CDH15: variants seen among roughly 807,000 people sequenced by gnomAD.
The protein encoded by CDH15 is cadherin 15.
Under a neutral mutation model 69.4 loss-of-function variants are expected in CDH15, and 73 were observed. The ratio of observed to expected loss-of-function variants is 1.05; its 90% confidence interval spans 0.87 to 1.28. CDH15 has a LOEUF of 1.28. Among genes scored for constraint, CDH15 ranks in the 50% most tolerant of loss-of-function variants. CDH15 has a pLI of 0.00. For missense variants in CDH15, 1,343 were observed against 1,133.6 expected, an observed-to-expected ratio of 1.18 and a Z score of -2.65; for synonymous variants, 624 against 507.7, an observed-to-expected ratio of 1.23 and a Z score of -3.08.
chr16:89,181,667 C>T lies in CDH15; in HGVS notation c.357+1312C>T, dbSNP rs144035094. 1.6e-4 allele frequency among the ~76,000 whole-genome samples: 24 copies of T among 151,652 alleles called. No individual in the cohort carries two copies. The East Asian group carries it at 4.1e-3, about 26-fold the overall frequency. ...AAAAAGAAGAAAAGAGGACCGGGTG[C>T]GGTGGCTCACGCCTGTAATCCCAGC... On this transcript the variant is annotated intron_variant, in intron 3 of 13. Coordinates refer to ENST00000289746, the MANE Select transcript of CDH15 (RefSeq NM_004933.3).
At position 89,195,277 on chromosome 16, in the gene CDH15, G is replaced by T; in HGVS notation, c.*122G>T. The T allele has an allele frequency of 9.5e-7, 1 of 1,054,430 alleles. No individual in the cohort carries two copies. Among genetic ancestry groups the T allele is most frequent in the Non-Finnish European group, 1.3e-6 (1 of 752,520 alleles). 65.3% of individuals were successfully genotyped at this position (1,054,430 alleles called of 1,614,324 possible). A position where few individuals can be genotyped will look rare whatever the true frequency, so the allele number is the denominator to read the frequency against. On this transcript the variant is annotated 3_prime_UTR_variant, in exon 14 of 14. Coordinates refer to ENST00000289746, the MANE Select transcript of CDH15 (RefSeq NM_004933.3). ...CTGGGGCAGCCTCCTTCCTGTAGGC[G>T]AGGGCCCAAGTCTGGGGGCAGAACC...
In CDH15 at chr16:89,191,810, C is replaced by G. The variant is rs1419856684; in HGVS notation, c.1531C>G (p.Pro511Ala). The G allele has an allele frequency of 6.2e-7, 1 of 1,604,594 alleles. No homozygotes were observed. Among genetic ancestry groups the G allele is most frequent in the Non-Finnish European group, 8.5e-7 (1 of 1,179,036 alleles). The change falls in exon 10 of 14, where the codon CCC becomes GCC. Residue 511 changes from proline (P) to alanine (A), a missense_variant. Coordinates refer to ENST00000289746, the MANE Select transcript of CDH15 (RefSeq NM_004933.3). Reference sequence around the variant, plus strand: ...CCTGGGCGCCACGGATGAGGACCTGCCCCCCCACGGGGCCCCCTTCCACTT... The same window carrying G: ...CCTGGGCGCCACGGATGAGGACCTGGCCCCCCACGGGGCCCCCTTCCACTT... ...LLLGATDEDL[P>A]PHGAPFHFQL...
Position 89,195,338 on chromosome 16 carries a change from C to T in CDH15, c.*183C>T, listed in dbSNP as rs866842818. 6.2e-5 allele frequency: 39 copies of T among 631,608 alleles called. No individual in the cohort carries two copies. In the African/African-American group the frequency reaches 6.8e-4, roughly 11 times the overall value. The allele number at this position is 631,608 out of a possible 1,614,324, so 39.1% of individuals were successfully genotyped here. A position where few individuals can be genotyped will look rare whatever the true frequency, so the allele number is the denominator to read the frequency against. ...TGGGGCGGCCAGGAAGAGGCCCCTT[C>T]CTGCCGGGGTGGGAAGAGTTTCTCT... On this transcript the variant is annotated 3_prime_UTR_variant, in exon 14 of 14. Transcript: ENST00000289746.
rs994511879 is a variant in CDH15 at position 89,192,274 on chromosome 16, G to A, written c.1685G>A (p.Arg562Gln). Residue 562 changes from arginine to glutamine, a missense_variant, in exon 11 of 14, where the codon CGG becomes CAG. Physicochemically the swap from Arg to Gln is conservative, Grantham distance 43. Coordinates refer to ENST00000289746, the MANE Select transcript of CDH15 (RefSeq NM_004933.3). ...EGLHRLSLLLRDSGQPPQQRE... is the reference protein window; with the variant it reads ...EGLHRLSLLLQDSGQPPQQRE... The stretch of plus-strand genomic sequence containing the variant: ...CTGCACCGCCTCAGCCTGCTGCTCC[G>A]GGACTCGGGGCAGCCGCCCCAGCAG... 3.7e-5 allele frequency: 57 copies of A among 1,530,910 alleles called. No individual in the cohort carries two copies. The African/African-American group carries it at 4.8e-4, about 13-fold the overall frequency. 94.8% of individuals were successfully genotyped at this position (1,530,910 alleles called of 1,614,324 possible). A position where few individuals can be genotyped will look rare whatever the true frequency, so the allele number is the denominator to read the frequency against.
chr16:89,193,778 G>T lies in CDH15; in HGVS notation c.2016G>T (p.Leu672=). Residue 672 remains leucine, a synonymous_variant, in exon 13 of 14, where the codon CTG becomes CTT. Coordinates refer to ENST00000289746, the MANE Select transcript of CDH15 (RefSeq NM_004933.3). The part of the protein sequence containing the change: ...EDQDAYDISQ[L]RHPTALSLPL... ...AGGACGCCTACGACATCAGCCAGCT[G>T]CGTCACCCGACAGCGCTGAGCCTGC... 6.2e-7 allele frequency: 1 copy of T among 1,605,180 alleles called. No individual in the cohort carries two copies. The highest frequency in any genetic ancestry group is 8.5e-7 in the Non-Finnish European group (1 of 1,179,138).
intron 4 of CDH15, 116 bp from the exon 5 acceptor site, chr16:89,185,057 T>A: frequency 1.0e-6 from 1 of 993,638 alleles, no homozygotes; most frequent in Non-Finnish European, 1.5e-6. Context: ...CCATCTGGGG[T>A]CAGCCGTGCT....
In CDH15 at chr16:89,192,194, G is replaced by T; in HGVS notation, c.1616-11G>T. On this transcript the variant is annotated splice_polypyrimidine_tract_variant and intron_variant, in intron 10 of 13. Transcript: ENST00000289746. ...CGGGAGGCCCTCGCTCACCACAGGCGCCCTCCGCAGTGAGCCACGCGCGCC... is the reference window on the plus strand; with the variant it reads ...CGGGAGGCCCTCGCTCACCACAGGCTCCCTCCGCAGTGAGCCACGCGCGCC... 6.5e-7 allele frequency: 1 copy of T among 1,528,058 alleles called. No homozygotes were observed. The allele number at this position is 1,528,058 out of a possible 1,614,324, so 94.7% of individuals were successfully genotyped here.
Position 89,194,941 on chromosome 16 carries a change from C to A in CDH15, c.2231C>A (p.Ser744Ter). The change falls in exon 14 of 14, where the codon TCG (serine) becomes TAG (stop). Residue 744 changes from serine to a stop codon, truncating the protein, a stop_gained. Transcript: ENST00000289746. LOFTEE classifies it low-confidence loss of function (END_TRUNC). ...ATCTATGACTACGAGGGTGACGGCT[C>A]GGTGGCGGGGACGCTGAGCTCCATC... is the stretch of plus-strand genomic sequence containing the variant. ...ALIYDYEGDG[S>*]VAGTLSSILS... The A allele has an allele frequency of 4.4e-6, 7 of 1,608,558 alleles. No individual in the cohort carries two copies. The highest frequency in any genetic ancestry group is 5.1e-6 in the Non-Finnish European group (6 of 1,178,076).
At position 89,185,544 on chromosome 16, in the gene CDH15, G is replaced by A. The variant is rs958985521; in HGVS notation, c.663+211G>A. The A allele has an allele frequency of 4.6e-5, 30 of 649,354 alleles. No individual in the cohort carries two copies. The African/African-American group carries it at 4.8e-4, about 10-fold the overall frequency. The allele number at this position is 649,354 out of a possible 1,614,324, so 40.2% of individuals were successfully genotyped here. A position where few individuals can be genotyped will look rare whatever the true frequency, so the allele number is the denominator to read the frequency against. ...CGCTGGCCCGGGTGGGAGGGGTCTGGTGCAAGTAGGGCGTGAGGGGCCCGG... is the reference window on the plus strand; with the variant it reads ...CGCTGGCCCGGGTGGGAGGGGTCTGATGCAAGTAGGGCGTGAGGGGCCCGG... On this transcript the variant is annotated intron_variant, in intron 5 of 13. Transcript: ENST00000289746.
At chr16:89,184,649 C>T (rs942519349) in intron 4 of CDH15, among the ~76,000 whole-genome samples, 2 of 151,966 alleles carry the variant, frequency 1.3e-5, no homozygotes, top group Non-Finnish European at 2.9e-5. Context: ...CCTGTCCGTG[C>T]GTCCTCTGTT....
At position 89,188,118 on chromosome 16, in the gene CDH15, G is replaced by C. The variant is rs978270006; in HGVS notation, c.811G>C (p.Glu271Gln). 6.2e-7 allele frequency: 1 copy of C among 1,612,398 alleles called. No individual in the cohort carries two copies. Among genetic ancestry groups the C allele is most frequent in the Non-Finnish European group, 8.5e-7 (1 of 1,179,530 alleles). The change falls in exon 7 of 14, where the codon GAG becomes CAG. Residue 271 changes from glutamate to glutamine, a missense_variant. Glu to Gln is a conservative substitution (Grantham distance 29, BLOSUM62 2). Coordinates refer to ENST00000289746, the MANE Select transcript of CDH15 (RefSeq NM_004933.3). ...TRDEFFMEAI[E>Q]AVSGVDVGRL... ...CACCCAGTTCTTCATGGAGGCCATA[G>C]AGGCCGTCAGCGGAGTGGATGTGGG...
In CDH15 at chr16:89,179,262, G is replaced by A. The variant is rs1035906945; in HGVS notation, c.43-154G>A. 7.2e-5 allele frequency among the ~76,000 whole-genome samples: 11 copies of A among 152,230 alleles called. 1 individual carries two copies. The highest frequency in any genetic ancestry group is 1.6e-4 in the Non-Finnish European group (11 of 68,024). ...TTGCCCTTGTGCTACGCAGCCCCGTGTGTGGAAGCCGCCTTGCGCCAATGG... is the reference window on the plus strand; with the variant it reads ...TTGCCCTTGTGCTACGCAGCCCCGTATGTGGAAGCCGCCTTGCGCCAATGG... On this transcript the variant is annotated intron_variant, in intron 1 of 13. Transcript: ENST00000289746.
chr16:89,178,625 T>A (rs894372264), intron 1 of CDH15, among the ~76,000 whole-genome samples: 7 of 145,862 alleles, frequency 4.8e-5, no homozygotes, highest in African/African-American at 1.8e-4. Context: ...ACCACCAGCG[T>A]TGGCTGCCCA....
At position 89,180,216 on chromosome 16, in the gene CDH15, A is replaced by G; in HGVS notation, c.218A>G (p.Gln73Arg). ...YPLVQIKSDK[Q>R]QLGSVIYSIQ... ...GCCCCACAGATCAAGTCGGACAAGC[A>G]GCAGCTGGGCAGCGTCATCTACAGC... Residue 73 changes from glutamine (Q) to arginine (R), a missense_variant, in exon 3 of 14, where the codon CAG (glutamine) becomes CGG (arginine). Gln to Arg is a conservative substitution (Grantham distance 43). Transcript: ENST00000289746. The G allele has an allele frequency of 6.2e-7, 1 of 1,611,100 alleles. No individual in the cohort carries two copies. Among genetic ancestry groups the G allele is most frequent in the South Asian group, 1.1e-5 (1 of 90,696 alleles).
chr16:89,195,016 G>A lies in CDH15; in HGVS notation c.2306G>A (p.Trp769Ter). ...CAGGACTACGACTACCTCAGAGACTGGGGGCCCCGCTTCGCCCGGCTGGCA... is the reference window on the plus strand; with the variant it reads ...CAGGACTACGACTACCTCAGAGACTAGGGGCCCCGCTTCGCCCGGCTGGCA... ...EDQDYDYLRDWGPRFARLADM... is the reference protein window; with the variant it reads ...EDQDYDYLRD The change falls in exon 14 of 14, where the codon TGG (tryptophan) becomes TAG (stop). Residue 769 changes from tryptophan to a stop codon, truncating the protein, a stop_gained. Coordinates refer to ENST00000289746, the MANE Select transcript of CDH15 (RefSeq NM_004933.3). LOFTEE classifies it low-confidence loss of function (END_TRUNC). 6.2e-7 allele frequency: 1 copy of A among 1,612,140 alleles called. No homozygotes were observed. The highest frequency in any genetic ancestry group is 8.5e-7 in the Non-Finnish European group (1 of 1,179,686).
chr16:89,173,196 C>G (rs993995238), intron 1 of CDH15, among the ~76,000 whole-genome samples: 1 of 152,204 alleles, frequency 6.6e-6, no homozygotes, highest in Non-Finnish European at 1.5e-5. Flanking sequence ...AGCCCTCTGC[C>G]GGGGAGCGCA....
intron 1 of CDH15, among the ~76,000 whole-genome samples, chr16:89,176,428 G>A (rs1264385074): frequency 1.3e-5 from 2 of 152,194 alleles, no homozygotes; most frequent in South Asian, 2.1e-4. Flanking sequence ...CCGGTTCTCG[G>A]TGCTCCATTT....
chr16:89,180,602 G>C (rs534669828), intron 3 of CDH15, among the ~76,000 whole-genome samples: 2 of 152,346 alleles, frequency 1.3e-5, no homozygotes, highest in African/African-American at 2.4e-5. Flanking sequence ...GTGGAGGAGC[G>C]GCTTGGTTCT....
intron 1 of CDH15, among the ~76,000 whole-genome samples, chr16:89,173,934 G>T (rs561963219): frequency 6.6e-6 from 1 of 152,232 alleles, no homozygotes; most frequent in Admixed American, 6.5e-5. Context: ...ACCCCAGCCT[G>T]CTGGGAAGGT....
Sources: gnomAD v4.1 joint callset for allele counts (sites outside exome capture counted in the v4.1 genomes callset) on GRCh38, gnomAD v4.1.1 for gene constraint, MANE v1.5 for transcripts, NCBI Gene and HGNC (gene_info 2026-07-23, HGNC 2026-07-21) for gene names.